NRXN3: variants seen among roughly 807,000 people sequenced by gnomAD.
NRXN3 encodes the protein neurexin III.
A neutral mutation model predicts 137.6 loss-of-function variants in NRXN3; 32 were observed. The ratio of observed to expected loss-of-function variants is 0.23; its 90% confidence interval spans 0.18 to 0.31. The LOEUF is 0.31. Among genes scored for constraint, NRXN3 ranks in the 10% least tolerant of loss-of-function variants. The probability of loss-of-function intolerance (pLI) is 1.00; values close to 1 mark genes in which losing one functional copy is unlikely to be tolerated. For synonymous variants in NRXN3, 798 were observed against 784.5 expected (o/e 1.02, Z -0.29); for missense variants, 1,574 against 2,062.5 (o/e 0.76, Z 4.59).
At chr14:79,839,227 A>T (rs2099350598) in intron 20 of NRXN3, among the ~76,000 whole-genome samples, 1 of 152,080 alleles carries the variant, frequency 6.6e-6, no homozygotes, top group African/African-American at 2.4e-5. Flanking sequence ...ACACAAAAAA[A>T]CCTGACCCAT....
chr14:79,199,414 A>G (rs886962444), intron 15 of NRXN3, among the ~76,000 whole-genome samples: 16 of 152,332 alleles, frequency 1.1e-4, no homozygotes, highest in African/African-American at 3.6e-4. Flanking sequence ...GATTGTGCTG[A>G]TGACAGCAAA....
chr14:78,980,228 T>C (rs1266120922), intron 14 of NRXN3, among the ~76,000 whole-genome samples: 1 of 152,218 alleles, frequency 6.6e-6, no homozygotes, highest in East Asian at 1.9e-4. Context: ...TCTAAAGGAA[T>C]GGACATTGAG....
chr14:78,348,557 C>T (rs909488413), intron 4 of NRXN3, among the ~76,000 whole-genome samples: 2 of 152,150 alleles, frequency 1.3e-5, no homozygotes, highest in African/African-American at 4.8e-5. Flanking sequence ...TTCACTCTTC[C>T]CCCATATGGT....
intron 10 of NRXN3, among the ~76,000 whole-genome samples, chr14:78,928,541 A>G (rs1445920284): frequency 6.6e-6 from 1 of 152,072 alleles, no homozygotes; most frequent in Non-Finnish European, 1.5e-5. Flanking sequence ...GTGAGTGAGA[A>G]CATGCGGTGT....
intron 10 of NRXN3, among the ~76,000 whole-genome samples, chr14:78,849,710 T>A (rs1487091789): frequency 2.0e-5 from 3 of 150,394 alleles, no homozygotes; most frequent in Non-Finnish European, 3.0e-5. Flanking sequence ...AGGAGTGGAA[T>A]TGGGGGTAGG....
intron 15 of NRXN3, among the ~76,000 whole-genome samples, chr14:79,066,216 G>A (rs1277498071): frequency 6.6e-6 from 1 of 152,118 alleles, no homozygotes; most frequent in East Asian, 1.9e-4. Context: ...TGGCTAGCTA[G>A]TTCTCCCAGC....
chr14:79,578,515 C>A (rs2097686390), intron 16 of NRXN3, among the ~76,000 whole-genome samples: 1 of 152,136 alleles, frequency 6.6e-6, no homozygotes, highest in Non-Finnish European at 1.5e-5. Flanking sequence ...TGACTCACAA[C>A]CCCCACCATA....
At chr14:79,391,749 G>A (rs1280033444) in intron 15 of NRXN3, among the ~76,000 whole-genome samples, 3 of 152,140 alleles carry the variant, frequency 2.0e-5, no homozygotes, top group African/African-American at 7.2e-5. Flanking sequence ...TTATTCCATT[G>A]GTCACGTCTA....
chr14:78,676,601 A>G (rs940029697), intron 6 of NRXN3, among the ~76,000 whole-genome samples: 18 of 152,314 alleles, frequency 1.2e-4, no homozygotes, highest in African/African-American at 4.1e-4. Flanking sequence ...GCTGATATAG[A>G]ACCTGCAGCA....
At chr14:78,569,979 G>C (rs879652390) in intron 4 of NRXN3, among the ~76,000 whole-genome samples, 10 of 152,242 alleles carry the variant, frequency 6.6e-5, no homozygotes, top group Non-Finnish European at 1.5e-4. Flanking sequence ...TGGAGAATAA[G>C]GGCCTGTTCT....
At chr14:78,699,177 G>A (rs1006517920) in intron 6 of NRXN3, among the ~76,000 whole-genome samples, 5 of 152,024 alleles carry the variant, frequency 3.3e-5, no homozygotes, top group Admixed American at 1.3e-4. Flanking sequence ...CCATGGGGGC[G>A]GAGAGGAAGA....
chr14:78,201,884 C>T (rs756852597), intron 1 of NRXN3, among the ~76,000 whole-genome samples: 7 of 152,150 alleles, frequency 4.6e-5, no homozygotes, highest in East Asian at 1.9e-4. Flanking sequence ...ACTCGGAGGC[C>T]GCAGGAGGAA....
At chr14:78,886,725 A>C (rs992942056) in intron 10 of NRXN3, among the ~76,000 whole-genome samples, 1 of 152,174 alleles carries the variant, frequency 6.6e-6, no homozygotes, top group Admixed American at 6.5e-5. Flanking sequence ...GAGTTCATCT[A>C]CTAGGCATGG....
At chr14:79,475,595 A>G (rs2153630072) in intron 16 of NRXN3, among the ~76,000 whole-genome samples, 1 of 152,208 alleles carries the variant, frequency 6.6e-6, no homozygotes, top group South Asian at 2.1e-4. Context: ...ACAAGAAATT[A>G]GGTTTTCTAC....
At chr14:78,408,483 G>A (rs2092634363) in intron 4 of NRXN3, among the ~76,000 whole-genome samples, 1 of 152,198 alleles carries the variant, frequency 6.6e-6, no homozygotes, top group African/African-American at 2.4e-5. Flanking sequence ...CTTTGGTGGT[G>A]AATCTCTTTC....
intron 4 of NRXN3, among the ~76,000 whole-genome samples, chr14:78,387,646 C>A (rs2153637574): frequency 6.6e-6 from 1 of 152,320 alleles, no homozygotes; most frequent in African/African-American, 2.4e-5. Context: ...TAGTGAGTTC[C>A]TGGGAAATTC....
chr14:78,934,895 G>T (rs891191569), intron 10 of NRXN3, among the ~76,000 whole-genome samples: 4 of 151,602 alleles, frequency 2.6e-5, no homozygotes, highest in African/African-American at 9.7e-5. Flanking sequence ...CACCAACATG[G>T]CACATGTATA....
intron 4 of NRXN3, among the ~76,000 whole-genome samples, chr14:78,394,403 T>G (rs2091184641): frequency 6.6e-6 from 1 of 151,990 alleles, no homozygotes; most frequent in South Asian, 2.1e-4. Context: ...TTGAAACAAC[T>G]TGCATCCTTG....
At chr14:78,810,034 AATGTT>A (rs1228130759) in intron 9 of NRXN3, among the ~76,000 whole-genome samples, 4 of 151,816 alleles carry the variant, frequency 2.6e-5, no homozygotes, top group Non-Finnish European at 4.4e-5. Context: ...AAAAAAAAAA[AATGTT>A]TGGTGTCTAC....
Sources: allele counts gnomAD v4.1 joint callset (sites outside exome capture counted in the v4.1 genomes callset), GRCh38; gene constraint gnomAD v4.1.1; transcripts MANE v1.5; gene names NCBI Gene and HGNC (gene_info 2026-07-23, HGNC 2026-07-21).